C12orf42: variants seen among roughly 807,000 people sequenced by gnomAD.
C12orf42 encodes chromosome 12 open reading frame 42.
C12orf42 carries 25 observed loss-of-function variants against 21.6 expected under a neutral mutation model. That is an observed-to-expected ratio of 1.16 (90% CI 0.84 to 1.62). C12orf42 has a LOEUF of 1.62. Ranked by LOEUF, C12orf42 falls within the 40% of genes most tolerant of loss-of-function variation. The probability of loss-of-function intolerance (pLI) is 0.00; values close to 1 mark genes in which losing one functional copy is unlikely to be tolerated. For missense variants in C12orf42, 483 were observed against 459.3 expected (o/e 1.05, Z -0.47); for synonymous variants, 174 against 175.0 (o/e 0.99, Z 0.05).
the C12orf42 span, among the ~76,000 whole-genome samples, chr12:103,120,061 T>C: frequency 1.3e-5 from 2 of 152,244 alleles, no homozygotes; most frequent in African/African-American, 4.8e-5. Flanking sequence ...GAGCTATTTC[T>C]TGTATTCCCA....
At chr12:103,242,755 T>G (rs2033811462) in intron 10 of C12orf42, among the ~76,000 whole-genome samples, 2 of 152,156 alleles carry the variant, frequency 1.3e-5, no homozygotes, top group Admixed American at 1.3e-4. Flanking sequence ...ATTTTAATAA[T>G]TACTTTGAAA....
intron 4 of C12orf42, among the ~76,000 whole-genome samples, chr12:103,351,202 G>A (rs2043072635): frequency 6.6e-6 from 1 of 152,116 alleles, no homozygotes; most frequent in Non-Finnish European, 1.5e-5. Flanking sequence ...ACAAGTTGAG[G>A]TGTAAGCAGA....
chr12:103,317,971 T>C (rs1236848230), intron 4 of C12orf42, among the ~76,000 whole-genome samples: 1 of 152,168 alleles, frequency 6.6e-6, no homozygotes, highest in Non-Finnish European at 1.5e-5. Flanking sequence ...TTGACAGACA[T>C]AGGGGTGAAG....
chr12:103,263,116 C>T (rs1260938251), intron 10 of C12orf42, among the ~76,000 whole-genome samples: 1 of 151,910 alleles, frequency 6.6e-6, no homozygotes, highest in African/African-American at 2.4e-5. Context: ...ATCACTTGGA[C>T]ACGGTGGGGG....
chr12:103,485,472 T>C (rs1487535339), intron 1 of C12orf42, among the ~76,000 whole-genome samples: 1 of 152,200 alleles, frequency 6.6e-6, no homozygotes, highest in Non-Finnish European at 1.5e-5. Context: ...TTTAGTTCCA[T>C]ATGAACTTTA....
the C12orf42 span, among the ~76,000 whole-genome samples, chr12:103,079,420 A>T: frequency 2.0e-5 from 3 of 152,206 alleles, no homozygotes; most frequent in Non-Finnish European, 4.4e-5. Context: ...ACAACTGATG[A>T]TAGTTTTCTA....
At chr12:103,229,733 T>C in the C12orf42 span, among the ~76,000 whole-genome samples, 13 of 152,238 alleles carry the variant, frequency 8.5e-5, no homozygotes, top group Non-Finnish European at 1.6e-4. Flanking sequence ...ATTGAATAAT[T>C]CTATATCTCA....
chr12:103,280,716 G>A (rs147003434), intron 4 of C12orf42, among the ~76,000 whole-genome samples: 3 of 152,324 alleles, frequency 2.0e-5, no homozygotes, highest in African/African-American at 7.2e-5. Flanking sequence ...ATTTGTTATT[G>A]AGTGTTTTGC....
At chr12:103,463,516 A>G (rs936576430) in intron 2 of C12orf42, among the ~76,000 whole-genome samples, 2 of 152,198 alleles carry the variant, frequency 1.3e-5, no homozygotes, top group African/African-American at 4.8e-5. Context: ...GTGGAATGCT[A>G]TCAAAAGTGT....
intron 1 of C12orf42, among the ~76,000 whole-genome samples, chr12:103,489,217 G>A (rs539287112): frequency 6.6e-6 from 1 of 152,318 alleles, no homozygotes; most frequent in African/African-American, 2.4e-5. Context: ...TTAGCTGCAG[G>A]TCTGTTGGAG....
chr12:103,163,412 G>T, the C12orf42 span, among the ~76,000 whole-genome samples: 1 of 152,184 alleles, frequency 6.6e-6, no homozygotes, highest in South Asian at 2.1e-4. Flanking sequence ...ATTTCATGTT[G>T]GTTTTATTAC....
chr12:103,423,544 G>C (rs974524155), intron 2 of C12orf42, among the ~76,000 whole-genome samples: 3 of 152,110 alleles, frequency 2.0e-5, no homozygotes, highest in Non-Finnish European at 2.9e-5. Flanking sequence ...TTCAAATCAA[G>C]TCTCCCAGTA....
chr12:103,082,943 C>A, the C12orf42 span, among the ~76,000 whole-genome samples: 10 of 152,332 alleles, frequency 6.6e-5, no homozygotes, highest in South Asian at 6.2e-4. Context: ...TCTGTGAAGG[C>A]AGTGGCATAC....
chr12:103,227,712 T>C, the C12orf42 span, among the ~76,000 whole-genome samples: 5 of 152,268 alleles, frequency 3.3e-5, no homozygotes, highest in East Asian at 7.7e-4. Context: ...TCTGACACCC[T>C]TGAAACGTGG....
chr12:103,150,825 T>A, the C12orf42 span, among the ~76,000 whole-genome samples: 1 of 152,362 alleles, frequency 6.6e-6, no homozygotes, highest in South Asian at 2.1e-4. Flanking sequence ...TCTTTTGGAC[T>A]GACTCATATA....
the C12orf42 span, among the ~76,000 whole-genome samples, chr12:103,144,266 A>T: frequency 6.1e-4 from 92 of 151,964 alleles, no homozygotes; most frequent in African/African-American, 2.0e-3. Flanking sequence ...AGACGAGGAG[A>T]AAAAAGGTAA....
intron 4 of C12orf42, among the ~76,000 whole-genome samples, chr12:103,346,739 C>T (rs1024919349): frequency 3.3e-5 from 5 of 152,184 alleles, no homozygotes; most frequent in African/African-American, 1.2e-4. Context: ...TACAATACGC[C>T]ATCTGTATCC....
intron 5 of C12orf42, among the ~76,000 whole-genome samples, chr12:103,276,670 T>C (rs1593263237): frequency 6.6e-6 from 1 of 152,206 alleles, no homozygotes; most frequent in East Asian, 1.9e-4. Flanking sequence ...GACCAAAAAA[T>C]AGATCAATCT....
At position 103,484,018 on chromosome 12, in the gene C12orf42, T is replaced by A. The variant is rs573759868; in HGVS notation, c.-21-5571A>T. On this transcript the variant is annotated intron_variant, in intron 1 of 5. Coordinates refer to ENST00000548883, the MANE Select transcript of C12orf42 (RefSeq NM_198521.5). ...ATCCTTTTTTATGGCTGCATAGTAT[T>A]CCATGGTGTATACGTGCCACATTTT... 3.3e-5 allele frequency among the ~76,000 whole-genome samples: 5 copies of A among 152,368 alleles called. No individual in the cohort carries two copies. In the East Asian group the frequency reaches 9.6e-4, roughly 29 times the overall value.
Sources: gnomAD v4.1 joint callset for allele counts (sites outside exome capture counted in the v4.1 genomes callset) on GRCh38, gnomAD v4.1.1 for gene constraint, MANE v1.5 for transcripts, NCBI Gene and HGNC (gene_info 2026-07-23, HGNC 2026-07-21) for gene names.